Variants in ABI2 observed in about 807,000 individuals in gnomAD.
ABI2 encodes abl interactor 2, also known as abelson interactor 2.
In ABI2, 25 loss-of-function variants were observed where a neutral mutation model predicts 59.2. The observed-to-expected ratio is 0.42, with a 90% CI of 0.31 to 0.59. The LOEUF (loss-of-function observed/expected upper bound fraction) is 0.59. Ranked by LOEUF, ABI2 falls within the 20% of genes least tolerant of loss-of-function variation. ABI2 has a pLI of 0.14. For missense variants in ABI2, 545 were observed against 681.8 expected (o/e 0.80, Z 2.23); for synonymous variants, 213 against 235.5 (o/e 0.90, Z 0.87).
chr2:203,379,128 G>T (rs146737091), intron 2 of ABI2, among the ~76,000 whole-genome samples: 1 of 152,086 alleles, frequency 6.6e-6, no homozygotes, highest in Non-Finnish European at 1.5e-5. Context: ...ATTCTTACTC[G>T]TATGTCTTAT....
intron 1 of ABI2, among the ~76,000 whole-genome samples, chr2:203,346,192 A>G (rs1237017051): frequency 6.6e-6 from 1 of 152,106 alleles, no homozygotes; most frequent in South Asian, 2.1e-4. Context: ...GATTCCAAAT[A>G]AGATTTCAGA....
chr2:203,330,679 A>G (rs1215888446), intron 1 of ABI2, among the ~76,000 whole-genome samples: 2 of 152,200 alleles, frequency 1.3e-5, no homozygotes, highest in South Asian at 2.1e-4. Flanking sequence ...TATTATGGGG[A>G]AAGAGTTGCA....
intron 1 of ABI2, among the ~76,000 whole-genome samples, chr2:203,338,392 A>G (rs1298609351): frequency 6.6e-6 from 1 of 151,962 alleles, no homozygotes; most frequent in Non-Finnish European, 1.5e-5. Flanking sequence ...GGTGGGAGAT[A>G]ATTGGATTAT....
chr2:203,341,406 G>A (rs962547539), intron 1 of ABI2, among the ~76,000 whole-genome samples: 5 of 152,068 alleles, frequency 3.3e-5, no homozygotes, highest in Non-Finnish European at 7.4e-5. Context: ...AGAAAATGTC[G>A]GAGGGCAGTG....
At chr2:203,358,571 G>T (rs555150208) in intron 1 of ABI2, among the ~76,000 whole-genome samples, 3 of 152,172 alleles carry the variant, frequency 2.0e-5, no homozygotes, top group Non-Finnish European at 4.4e-5. Flanking sequence ...TCTGTGTCTC[G>T]TTTCTGCTTC....
chr2:203,342,839 TAC>T (rs2080854689), intron 1 of ABI2, among the ~76,000 whole-genome samples: 2 of 151,032 alleles, frequency 1.3e-5, no homozygotes, highest in Non-Finnish European at 2.9e-5. Context: ...ATAATGTCTA[TAC>T]ACACACACAT....
intron 10 of ABI2, among the ~76,000 whole-genome samples, chr2:203,413,130 G>A (rs1397191599): frequency 6.6e-6 from 1 of 152,166 alleles, no homozygotes; most frequent in Non-Finnish European, 1.5e-5. Flanking sequence ...GTGAGATGTT[G>A]TCATTCATTT....
chr2:203,353,926 A>G (rs1228263999), intron 1 of ABI2, among the ~76,000 whole-genome samples: 1 of 152,106 alleles, frequency 6.6e-6, no homozygotes, highest in Admixed American at 6.6e-5. Flanking sequence ...TAGCTTTCTT[A>G]TATTTCTTCC....
chr2:203,364,725 AT>A (rs1346352688), intron 1 of ABI2, among the ~76,000 whole-genome samples: 1 of 148,998 alleles, frequency 6.7e-6, no homozygotes, highest in Admixed American at 6.8e-5. Flanking sequence ...GCACATACAT[AT>A]TTTTTTAATT....
intron 9 of ABI2, among the ~76,000 whole-genome samples, chr2:203,410,538 A>G (rs901928521): frequency 3.3e-5 from 5 of 152,196 alleles, no homozygotes; most frequent in Non-Finnish European, 5.9e-5. Context: ...GTGCAGGGAA[A>G]TACACCTTGG....
Position 203,395,769 on chromosome 2 carries a change from G to T in ABI2, c.839G>T (p.Ser280Ile). Residue 280 changes from serine (S) to isoleucine (I), a missense_variant, in exon 7 of 12, where the codon AGT (serine) becomes ATT (isoleucine). By Grantham distance (142) the Ser-to-Ile change is moderately radical. This residue lies in a region of ABI2 where 410 missense variants were observed against 435.6 expected (regional missense o/e 0.94). Transcript: ENST00000261018. ...GCTGTTCCTACTCCATCTCCTCCCA[G>T]TGTCTTTCCAGGTAAAACATTCATG... ...PIAVPTPSPP[S>I]VFPAPAGSAG... 1.3e-6 allele frequency: 2 copies of T among 1,596,314 alleles called. No individual in the cohort carries two copies. Among genetic ancestry groups the T allele is most frequent in the African/African-American group, 1.3e-5 (1 of 74,076 alleles).
chr2:203,353,818 ATCT>A (rs2090357936), intron 1 of ABI2, among the ~76,000 whole-genome samples: 1 of 151,968 alleles, frequency 6.6e-6, no homozygotes, highest in African/African-American at 2.4e-5. Context: ...TTAAACTCTT[ATCT>A]GTTTCTTCTG....
chr2:203,354,277 C>T (rs1245559167), intron 1 of ABI2, among the ~76,000 whole-genome samples: 1 of 152,186 alleles, frequency 6.6e-6, no homozygotes, highest in Non-Finnish European at 1.5e-5. Flanking sequence ...CTCCTGAGCT[C>T]AAGTGATCTT....
chr2:203,375,862 C>G, intron 2 of ABI2: 1 of 402,104 alleles, frequency 2.5e-6, no homozygotes, highest in Admixed American at 4.3e-5. Context: ...TTAGTGCTCT[C>G]TGTCAAATTA....
chr2:203,338,973 T>TATATATAA (rs2078120980), intron 1 of ABI2, among the ~76,000 whole-genome samples: 11 of 10,254 alleles, frequency 1.1e-3, no homozygotes, highest in Admixed American at 2.8e-3. Context: ...AATATATATA[T>TATATATAA]ATATATATAA....
chr2:203,328,629 C>G lies in ABI2; in HGVS notation c.115C>G (p.Gln39Glu). Reference sequence around the variant, plus strand: ...CGATTACTGCGAGAACAACTACATACAGGTGCGAAGCATCCCCAGCTGGGC... The same window carrying G: ...CGATTACTGCGAGAACAACTACATAGAGGTGCGAAGCATCCCCAGCTGGGC... The part of the protein sequence containing the change: ...VADYCENNYI[Q>E]SADKQRALEE... Residue 39 changes from glutamine to glutamate, a missense_variant and splice_region_variant, in exon 1 of 12, where the codon CAG (glutamine) becomes GAG (glutamate). Coordinates refer to ENST00000261018, the MANE Select transcript of ABI2 (RefSeq NM_001375670.1). 6.3e-7 allele frequency: 1 copy of G among 1,581,294 alleles called. No homozygotes were observed. Among genetic ancestry groups the G allele is most frequent in the African/African-American group, 1.4e-5 (1 of 71,562 alleles).
At position 203,428,205 on chromosome 2, in the gene ABI2, C is replaced by T. The variant is rs1392334116; in HGVS notation, c.*853C>T. The T allele has an allele frequency of 1.3e-5, 2 of 152,610 alleles. No homozygotes were observed. The highest frequency in any genetic ancestry group is 2.9e-5 in the Non-Finnish European group (2 of 68,044). The allele number at this position is 152,610 out of a possible 1,614,324, so 9.5% of individuals were successfully genotyped here. The stretch of plus-strand genomic sequence containing the variant: ...AAGAGACTTGAACTGTGGAAATGCT[C>T]TTAGCAGGCATCCCGAACCCCTGCT... On this transcript the variant is annotated 3_prime_UTR_variant, in exon 12 of 12. Transcript: ENST00000261018.
At chr2:203,341,434 G>T (rs750752991) in intron 1 of ABI2, among the ~76,000 whole-genome samples, 1 of 152,124 alleles carries the variant, frequency 6.6e-6, no homozygotes, top group African/African-American at 2.4e-5. Flanking sequence ...TTAGTTTTGG[G>T]CCAGGCTCAG....
chr2:203,396,548 A>C, intron 7 of ABI2, among the ~76,000 whole-genome samples: 1 of 152,190 alleles, frequency 6.6e-6, no homozygotes, highest in East Asian at 1.9e-4. Context: ...CTTTCAATTG[A>C]AAAGGAATGT....
Sources: allele counts gnomAD v4.1 joint callset (sites outside exome capture counted in the v4.1 genomes callset), GRCh38; gene constraint gnomAD v4.1.1; regional missense constraint gnomAD v4.1.1; transcripts MANE v1.5; gene names NCBI Gene and HGNC (gene_info 2026-07-23, HGNC 2026-07-21).